Variants in ENTREP2 observed in about 807,000 individuals in gnomAD.
ENTREP2 encodes protein ENTREP2.
the ENTREP2 span, among the ~76,000 whole-genome samples, chr15:29,185,998 G>A: frequency 2.0e-5 from 3 of 152,226 alleles, no homozygotes; most frequent in East Asian, 1.9e-4. Flanking sequence ...GTCCTCTCCC[G>A]TTTGTTTACT....
chr15:29,289,688 A>G, the ENTREP2 span, among the ~76,000 whole-genome samples: 2 of 152,040 alleles, frequency 1.3e-5, no homozygotes, highest in Non-Finnish European at 2.9e-5. Flanking sequence ...TCTACTAAAA[A>G]TACAAAAATT....
At chr15:29,528,949 G>A in the ENTREP2 span, among the ~76,000 whole-genome samples, 29 of 151,870 alleles carry the variant, frequency 1.9e-4, no homozygotes, top group African/African-American at 6.0e-4. Flanking sequence ...TTTTATCTGC[G>A]TAAAACTCTA....
At chr15:29,478,510 T>G in the ENTREP2 span, among the ~76,000 whole-genome samples, 1 of 152,132 alleles carries the variant, frequency 6.6e-6, no homozygotes, top group African/African-American at 2.4e-5. Flanking sequence ...TCCCTGATGC[T>G]GGAGGTGGGG....
the ENTREP2 span, among the ~76,000 whole-genome samples, chr15:29,295,930 A>C: frequency 6.6e-6 from 1 of 152,194 alleles, no homozygotes; most frequent in African/African-American, 2.4e-5. Context: ...GGAAAGTGAA[A>C]CCTTGGGGAA....
the ENTREP2 span, among the ~76,000 whole-genome samples, chr15:29,224,809 G>T: frequency 6.6e-6 from 1 of 152,196 alleles, no homozygotes; most frequent in Non-Finnish European, 1.5e-5. Flanking sequence ...CTTAGCCCTT[G>T]GGTGGTCCAT....
the ENTREP2 span, among the ~76,000 whole-genome samples, chr15:29,624,686 G>A: frequency 1.3e-5 from 2 of 151,970 alleles, no homozygotes; most frequent in East Asian, 3.9e-4. Flanking sequence ...AAAATAATTG[G>A]AGACCCACAG....
chr15:29,177,486 T>C, the ENTREP2 span, among the ~76,000 whole-genome samples: 1 of 152,198 alleles, frequency 6.6e-6, no homozygotes, highest in Admixed American at 6.5e-5. Context: ...TTGCTCAATA[T>C]GTATCTTCTT....
At chr15:29,275,232 A>G in the ENTREP2 span, among the ~76,000 whole-genome samples, 1 of 152,374 alleles carries the variant, frequency 6.6e-6, no homozygotes, top group South Asian at 2.1e-4. Context: ...ACATGTACAC[A>G]AGAATCAAAA....
chr15:29,269,009 G>C, the ENTREP2 span: 2 of 1,614,162 alleles, frequency 1.2e-6, no homozygotes, highest in South Asian at 1.1e-5. Flanking sequence ...CGGTATTCCA[G>C]GTAACGCTGT....
the ENTREP2 span, among the ~76,000 whole-genome samples, chr15:29,190,080 T>C: frequency 6.6e-6 from 1 of 152,124 alleles, no homozygotes; most frequent in East Asian, 1.9e-4. Context: ...GCTGAGACAC[T>C]CAGATGGTCC....
At chr15:29,214,247 T>C in the ENTREP2 span, among the ~76,000 whole-genome samples, 1 of 152,198 alleles carries the variant, frequency 6.6e-6, no homozygotes, top group Non-Finnish European at 1.5e-5. Flanking sequence ...CACATATGTT[T>C]ACTGCGGCAC....
chr15:29,639,462 CAAT>C, the ENTREP2 span, among the ~76,000 whole-genome samples: 2 of 151,958 alleles, frequency 1.3e-5, no homozygotes, highest in East Asian at 3.9e-4. Context: ...TATTTTATCA[CAAT>C]AAAAAATAAG....
the ENTREP2 span, among the ~76,000 whole-genome samples, chr15:29,406,689 T>C: frequency 6.0e-4 from 92 of 152,320 alleles, no homozygotes; most frequent in East Asian, 0.015. Flanking sequence ...TTACAACAAA[T>C]AGTTTTGCTT....
At chr15:29,670,908 GTACTAA>G in the ENTREP2 span, among the ~76,000 whole-genome samples, 3 of 152,184 alleles carry the variant, frequency 2.0e-5, no homozygotes, top group African/African-American at 7.2e-5. Context: ...TGTTTTTTGT[GTACTAA>G]TGAGATGACT....
chr15:29,529,925 TA>T, the ENTREP2 span, among the ~76,000 whole-genome samples: 1 of 152,282 alleles, frequency 6.6e-6, no homozygotes, highest in East Asian at 1.9e-4. Flanking sequence ...GTCATCTGAC[TA>T]AAGACAAACA....
chr15:29,203,951 A>T, the ENTREP2 span, among the ~76,000 whole-genome samples: 3 of 152,222 alleles, frequency 2.0e-5, no homozygotes, highest in Admixed American at 6.5e-5. Context: ...AGGGGAGATC[A>T]GCTTGTCTGG....
At chr15:29,579,686 A>ATTTTTTTTTTTTTTT in the ENTREP2 span, among the ~76,000 whole-genome samples, 3 of 55,822 alleles carry the variant, frequency 5.4e-5, no homozygotes, top group African/African-American at 2.8e-4. Context: ...CACCCAGCTA[A>ATTTTTTTTTTTTTTT]TTTTTTTTTT....
chr15:29,224,113 C>T, the ENTREP2 span, among the ~76,000 whole-genome samples: 50,436 of 151,230 alleles, frequency 0.33, 9,970 homozygotes, highest in East Asian at 0.6. Flanking sequence ...TGTTCGGATG[C>T]GTTCACAGTT....
chr15:29,411,830 T>C, the ENTREP2 span, among the ~76,000 whole-genome samples: 1 of 152,244 alleles, frequency 6.6e-6, no homozygotes, highest in Admixed American at 6.5e-5. Context: ...CTTGCATGGA[T>C]AGCCAATGAT....
Sources: gnomAD v4.1 joint callset for allele counts (sites outside exome capture counted in the v4.1 genomes callset) on GRCh38, gnomAD v4.1.1 for gene constraint, MANE v1.5 for transcripts, NCBI Gene and HGNC (gene_info 2026-07-23, HGNC 2026-07-21) for gene names.